Variants in MYO5A observed in about 807,000 individuals in gnomAD.
The protein encoded by MYO5A is myosin VA.
MYO5A carries 98 observed loss-of-function variants against 249.7 expected under a neutral mutation model. The ratio of observed to expected loss-of-function variants is 0.39; its 90% confidence interval spans 0.33 to 0.46. MYO5A has a LOEUF of 0.46. MYO5A is among the 20% of genes least tolerant of loss of function. MYO5A has a pLI of 0.98. For synonymous variants in MYO5A, 778 were observed against 810.6 expected (o/e 0.96, Z 0.68); for missense variants, 1,696 against 2,308.8 (o/e 0.73, Z 5.44).
rs1203307587 is a variant in MYO5A at position 52,309,152 on chromosome 15, G to GA, written c.*4543dup. On this transcript the variant is annotated 3_prime_UTR_variant, in exon 42 of 42. Coordinates refer to ENST00000399233, the MANE Select transcript of MYO5A (RefSeq NM_001382347.1). Reference sequence around the variant, plus strand: ...CAATAAAGACTCTGATGGGTGTGGGGAGAGTAACTTTCCTCTTAATTTCAG... The same window carrying GA: ...CAATAAAGACTCTGATGGGTGTGGGGAAGAGTAACTTTCCTCTTAATTTCAG... The GA allele has an allele frequency of 1.3e-5, 2 of 152,310 alleles. No individual in the cohort carries two copies. Among genetic ancestry groups the GA allele is most frequent in the Non-Finnish European group, 2.9e-5 (2 of 68,128 alleles). The allele number at this position is 152,310 out of a possible 1,614,324, so 9.4% of individuals were successfully genotyped here.
At chr15:52,392,564 T>G (rs2042288599) in intron 11 of MYO5A, among the ~76,000 whole-genome samples, 1 of 152,246 alleles carries the variant, frequency 6.6e-6, no homozygotes, top group African/African-American at 2.4e-5. Context: ...CTGGTCTTTC[T>G]CCTGACTGCC....
intron 24 of MYO5A, among the ~76,000 whole-genome samples, chr15:52,362,941 C>T (rs1356734750): frequency 6.6e-6 from 1 of 152,176 alleles, no homozygotes; most frequent in African/African-American, 2.4e-5. Context: ...ATATTGCATG[C>T]ACCATTAAAG....
chr15:52,494,068 G>A (rs1412943668), intron 1 of MYO5A, among the ~76,000 whole-genome samples: 1 of 152,176 alleles, frequency 6.6e-6, no homozygotes, highest in Non-Finnish European at 1.5e-5. Flanking sequence ...GTAATAGACA[G>A]AAAAGAATGA....
In MYO5A at chr15:52,389,286, C is replaced by T. The variant is rs889358542; in HGVS notation, c.1620G>A (p.Lys540=). The change falls in exon 13 of 42, where the codon AAG becomes AAA. Residue 540 remains lysine, a synonymous_variant. Coordinates refer to ENST00000399233, the MANE Select transcript of MYO5A (RefSeq NM_001382347.1). ...THLNKCALFE[K]PRLSNKAFII... is the part of the protein sequence containing the mutation. The stretch of plus-strand genomic sequence containing the variant: ...TGAAAGCTTTGTTTGATAGACGAGG[C>T]TTTTCAAAGAGTGCACATTTGTTCA... 6.2e-7 allele frequency: 1 copy of T among 1,613,452 alleles called. No individual in the cohort carries two copies. Among genetic ancestry groups the T allele is most frequent in the Non-Finnish European group, 8.5e-7 (1 of 1,179,542 alleles).
At chr15:52,383,640 G>C (rs754567980) in intron 15 of MYO5A, among the ~76,000 whole-genome samples, 2 of 152,170 alleles carry the variant, frequency 1.3e-5, no homozygotes, top group Non-Finnish European at 2.9e-5. Context: ...AGGGACCTAG[G>C]ATCAGGACTG....
chr15:52,397,764 T>G (rs1442532084), intron 9 of MYO5A, among the ~76,000 whole-genome samples: 1 of 152,188 alleles, frequency 6.6e-6, no homozygotes, highest in Non-Finnish European at 1.5e-5. Context: ...AAAAAATCAG[T>G]CAGCTAGTCA....
At position 52,505,964 on chromosome 15, in the gene MYO5A, A is replaced by C. The variant is rs978831372; in HGVS notation, c.27+22816T>G. ...CGCAGTGGCTCATACCTGTAATCCC[A>C]TCACTTTGGGAGGCTGAGGAGGGCA... is the stretch of plus-strand genomic sequence containing the variant. On this transcript the variant is annotated intron_variant, in intron 1 of 41. Transcript: ENST00000399233. 8.4e-6 allele frequency: 9 copies of C among 1,074,172 alleles called. No individual in the cohort carries two copies. The African/African-American group carries it at 1.1e-4, about 13-fold the overall frequency. The allele number at this position is 1,074,172 out of a possible 1,614,324, so 66.5% of individuals were successfully genotyped here.
intron 1 of MYO5A, among the ~76,000 whole-genome samples, chr15:52,460,731 A>G (rs946765086): frequency 6.6e-6 from 1 of 152,244 alleles, no homozygotes; most frequent in African/African-American, 2.4e-5. Context: ...TCTAAGCTAT[A>G]TAAAGACTTT....
At chr15:52,387,123 C>G (rs2042004297) in intron 14 of MYO5A, among the ~76,000 whole-genome samples, 1 of 152,168 alleles carries the variant, frequency 6.6e-6, no homozygotes, top group Non-Finnish European at 1.5e-5. Flanking sequence ...CTGCTCTGCT[C>G]TCTGTGGGAT....
intron 1 of MYO5A, among the ~76,000 whole-genome samples, chr15:52,434,144 C>CA (rs2141311946): frequency 6.6e-6 from 1 of 152,086 alleles, no homozygotes; most frequent in South Asian, 2.1e-4. Context: ...GGACTACAGG[C>CA]ATGTGCCACT....
chr15:52,472,765 G>A (rs886966670), intron 1 of MYO5A, among the ~76,000 whole-genome samples: 1 of 152,172 alleles, frequency 6.6e-6, no homozygotes, highest in Non-Finnish European at 1.5e-5. Flanking sequence ...GTATACATGT[G>A]CCACATTTTC....
At position 52,448,957 on chromosome 15, in the gene MYO5A, C is replaced by CTTTTTTTTTTTTTTTT. The variant is rs145765339; in HGVS notation, c.28-15688_28-15673dup. 2.2e-4 allele frequency among the ~76,000 whole-genome samples: 12 copies of CTTTTTTTTTTTTTTTT among 55,582 alleles called. 1 individual carries two copies. The highest frequency in any genetic ancestry group is 6.1e-4 in the East Asian group (1 of 1,648). The allele number at this position is 55,582 out of a possible 152,430, so 36.5% of individuals were successfully genotyped here. Reference sequence around the variant, plus strand: ...TTTTTTTTTTTCTTTTCTTGTCTTTCTTTTTTTTTTTTTTTTTTTTTTTTT... The same window carrying CTTTTTTTTTTTTTTTT: ...TTTTTTTTTTTCTTTTCTTGTCTTTCTTTTTTTTTTTTTTTTTTTTTTTTTTTTTTTTTTTTTTTTT... On this transcript the variant is annotated intron_variant, in intron 1 of 41. Transcript: ENST00000399233.
intron 16 of MYO5A, among the ~76,000 whole-genome samples, chr15:52,380,368 A>G (rs866632671): frequency 2.6e-5 from 4 of 152,048 alleles, no homozygotes; most frequent in Non-Finnish European, 5.9e-5. Flanking sequence ...CCTGGGAGGT[A>G]GAGGTTGCAG....
chr15:52,354,979 T>C (rs1463551328), intron 25 of MYO5A, among the ~76,000 whole-genome samples: 2 of 152,030 alleles, frequency 1.3e-5, no homozygotes, highest in Non-Finnish European at 2.9e-5. Context: ...AACACAAACA[T>C]ATGTGACTTT....
intron 1 of MYO5A, among the ~76,000 whole-genome samples, chr15:52,471,579 A>T (rs1436760692): frequency 7.0e-6 from 1 of 143,656 alleles, no homozygotes; most frequent in Non-Finnish European, 1.5e-5. Flanking sequence ...ACACAGCCAG[A>T]TTCTGTCTCT....
chr15:52,417,927 G>A (rs1309570229), intron 4 of MYO5A, among the ~76,000 whole-genome samples: 2 of 152,170 alleles, frequency 1.3e-5, no homozygotes, highest in Non-Finnish European at 1.5e-5. Context: ...TCATCTAATA[G>A]GAAAGACAGG....
At chr15:52,511,258 C>T (rs556865877) in intron 1 of MYO5A, among the ~76,000 whole-genome samples, 6 of 152,340 alleles carry the variant, frequency 3.9e-5, no homozygotes, top group African/African-American at 1.4e-4. Context: ...CAGTTGTAAA[C>T]TCATTATGAG....
At chr15:52,385,352 G>A (rs1297330795) in intron 14 of MYO5A, among the ~76,000 whole-genome samples, 1 of 152,148 alleles carries the variant, frequency 6.6e-6, no homozygotes, top group Admixed American at 6.5e-5. Context: ...CATAAACTCA[G>A]TAGATGAACT....
chr15:52,382,989 T>A (rs2041820604), intron 16 of MYO5A, 102 bp downstream of exon 16: 1 of 1,018,742 alleles, frequency 9.8e-7, no homozygotes, highest in East Asian at 2.4e-5. Flanking sequence ...CCCAAATATT[T>A]TTTTCCTTAT....
Sources: gnomAD v4.1 joint callset for allele counts (sites outside exome capture counted in the v4.1 genomes callset) on GRCh38, gnomAD v4.1.1 for gene constraint, MANE v1.5 for transcripts, NCBI Gene and HGNC (gene_info 2026-07-23, HGNC 2026-07-21) for gene names.